The following GABRG3 variants were observed in gnomAD, a reference collection of about 807,000 sequenced individuals.
The protein encoded by GABRG3 is gamma-aminobutyric acid receptor subunit gamma-3.
A neutral mutation model predicts 48.8 loss-of-function variants in GABRG3; 25 were observed. That is an observed-to-expected ratio of 0.51 (90% CI 0.37 to 0.72). The LOEUF is 0.72. GABRG3 is among the 30% of genes least tolerant of loss of function. The pLI is 0.00. For synonymous variants in GABRG3, 227 were observed against 217.6 expected, an observed-to-expected ratio of 1.04 and a Z score of -0.38; for missense variants, 394 against 577.9, an observed-to-expected ratio of 0.68 and a Z score of 3.26.
At chr15:27,091,245 G>A (rs1455292441) in intron 3 of GABRG3, among the ~76,000 whole-genome samples, 1 of 152,014 alleles carries the variant, frequency 6.6e-6, no homozygotes, top group Admixed American at 6.6e-5. Context: ...TGATCATTTT[G>A]TTTTTCTCTT....
At chr15:27,493,594 G>T (rs1890410110) in intron 6 of GABRG3, among the ~76,000 whole-genome samples, 1 of 152,168 alleles carries the variant, frequency 6.6e-6, no homozygotes, top group Non-Finnish European at 1.5e-5. Flanking sequence ...TTTTCTGAAA[G>T]ACTGCTCTGA....
intron 3 of GABRG3, among the ~76,000 whole-genome samples, chr15:27,262,135 A>C (rs1890787416): frequency 6.6e-6 from 1 of 152,198 alleles, no homozygotes; most frequent in South Asian, 2.1e-4. Flanking sequence ...TGCTAAGGCG[A>C]TGGCAGGAGA....
At chr15:27,351,654 T>C (rs1045896852) in intron 5 of GABRG3, among the ~76,000 whole-genome samples, 6 of 150,660 alleles carry the variant, frequency 4.0e-5, no homozygotes, top group Admixed American at 2.6e-4. Context: ...GGTCTGTGTG[T>C]GTGTATGGGG....
At chr15:27,224,109 C>T (rs954899616) in intron 3 of GABRG3, among the ~76,000 whole-genome samples, 1 of 152,196 alleles carries the variant, frequency 6.6e-6, no homozygotes, top group East Asian at 1.9e-4. Context: ...GTGGACTGAG[C>T]TCCCAGTGGC....
chr15:27,380,869 C>T (rs1895750731), intron 5 of GABRG3, among the ~76,000 whole-genome samples: 1 of 150,424 alleles, frequency 6.6e-6, no homozygotes, highest in Admixed American at 6.7e-5. Context: ...GGGTTCACGC[C>T]ATTCTCCTGC....
chr15:27,221,076 C>T (rs1377513849), intron 3 of GABRG3, among the ~76,000 whole-genome samples: 2 of 151,694 alleles, frequency 1.3e-5, no homozygotes, highest in Non-Finnish European at 2.9e-5. Flanking sequence ...ATTGCTCAAG[C>T]TTATAGGATT....
At chr15:27,385,693 CT>C (rs759873044) in intron 5 of GABRG3, among the ~76,000 whole-genome samples, 2 of 152,056 alleles carry the variant, frequency 1.3e-5, no homozygotes, top group Non-Finnish European at 1.5e-5. Context: ...ATTTACTGTC[CT>C]TTCAAATCCA....
At chr15:27,388,214 GAGGA>G (rs1265802489) in intron 5 of GABRG3, among the ~76,000 whole-genome samples, 11 of 33,834 alleles carry the variant, frequency 3.3e-4, no homozygotes, top group South Asian at 1.4e-3. Flanking sequence ...GGAAGGAAAG[GAGGA>G]AGGAAGGAAA....
At chr15:26,991,144 G>A (rs1294724460) in intron 2 of GABRG3, among the ~76,000 whole-genome samples, 1 of 152,098 alleles carries the variant, frequency 6.6e-6, no homozygotes, top group Non-Finnish European at 1.5e-5. Context: ...TGAATATCGA[G>A]TTTTCCTAGC....
At chr15:27,405,196 A>C (rs985677608) in intron 5 of GABRG3, among the ~76,000 whole-genome samples, 4 of 152,230 alleles carry the variant, frequency 2.6e-5, no homozygotes, top group African/African-American at 9.6e-5. Context: ...AGATCCCTAT[A>C]CACATTACCT....
intron 3 of GABRG3, among the ~76,000 whole-genome samples, chr15:27,090,280 C>G (rs1897162395): frequency 6.6e-6 from 1 of 152,166 alleles, no homozygotes; most frequent in Non-Finnish European, 1.5e-5. Context: ...TTAAGGTAGG[C>G]TAGACTAAGC....
chr15:27,378,673 G>A (rs1895673370), intron 5 of GABRG3, among the ~76,000 whole-genome samples: 1 of 152,154 alleles, frequency 6.6e-6, no homozygotes, highest in African/African-American at 2.4e-5. Flanking sequence ...GTGATGGCTT[G>A]AATACTGATT....
At chr15:27,451,939 GT>G (rs1356839053) in intron 5 of GABRG3, among the ~76,000 whole-genome samples, 2 of 152,216 alleles carry the variant, frequency 1.3e-5, no homozygotes, top group Admixed American at 6.5e-5. Flanking sequence ...CAATACAAAT[GT>G]AGTAAAATGT....
At chr15:27,218,704 T>G (rs1271322420) in intron 3 of GABRG3, among the ~76,000 whole-genome samples, 5 of 152,170 alleles carry the variant, frequency 3.3e-5, no homozygotes, top group Non-Finnish European at 7.3e-5. Flanking sequence ...AAATCTTATG[T>G]GCTGGGTTTT....
chr15:27,332,178 G>A (rs1005529639), intron 5 of GABRG3, among the ~76,000 whole-genome samples: 1 of 152,178 alleles, frequency 6.6e-6, no homozygotes. Flanking sequence ...CATGATGGGT[G>A]TCCATTTTCA....
chr15:27,388,977 T>C (rs905791342), intron 5 of GABRG3, among the ~76,000 whole-genome samples: 5 of 152,228 alleles, frequency 3.3e-5, no homozygotes, highest in African/African-American at 9.6e-5. Context: ...TTTTATTTTC[T>C]GCATAAGTTT....
intron 5 of GABRG3, among the ~76,000 whole-genome samples, chr15:27,462,584 T>C (rs1284683201): frequency 6.6e-6 from 1 of 152,246 alleles, no homozygotes; most frequent in Non-Finnish European, 1.5e-5. Flanking sequence ...AACCAGTGTT[T>C]ATTATTCTAA....
At chr15:27,482,351 C>A (rs890406895) in intron 6 of GABRG3, among the ~76,000 whole-genome samples, 1 of 152,236 alleles carries the variant, frequency 6.6e-6, no homozygotes, top group South Asian at 2.1e-4. Context: ...TGAGAAGTCA[C>A]GCCCTGCCTG....
Position 27,457,358 on chromosome 15 carries a change from C to T in GABRG3, c.575-23292C>T, listed in dbSNP as rs184896467. On this transcript the variant is annotated intron_variant, in intron 5 of 9. Transcript: ENST00000615808. The surrounding 1 kb of genome is among the most constrained non-coding windows in gnomAD (Gnocchi z 4.4). ...CTAGCATTTGACGTTTTGTTTTTTG[C>T]GTTTGTAGAAACATCACCTTCAGAC... Among the ~76,000 whole-genome samples, 2 of 152,290 alleles carry T rather than the reference C, an allele frequency of 1.3e-5. No individual in the cohort carries two copies. Among genetic ancestry groups the T allele is most frequent in the African/African-American group, 2.4e-5 (1 of 41,560 alleles).
Sources: allele counts gnomAD v4.1 joint callset (sites outside exome capture counted in the v4.1 genomes callset), GRCh38; gene constraint gnomAD v4.1.1; non-coding constraint Gnocchi (gnomAD v3.1); transcripts MANE v1.5; gene names NCBI Gene and HGNC (gene_info 2026-07-23, HGNC 2026-07-21).